Variants in INPP5A observed in about 807,000 individuals in gnomAD.
The protein encoded by INPP5A is 43 kDa inositol polyphosphate 5-phophatase.
A neutral mutation model predicts 65.2 loss-of-function variants in INPP5A; 14 were observed. The ratio of observed to expected loss-of-function variants is 0.21; its 90% CI spans 0.14 to 0.34. INPP5A has a LOEUF of 0.34. Ranked by LOEUF, INPP5A falls within the 10% of genes least tolerant of loss-of-function variation. The pLI, the probability that INPP5A is intolerant of heterozygous loss-of-function variation, is 1.00. For synonymous variants in INPP5A, 207 were observed against 208.3 expected (o/e 0.99, Z 0.05); for missense variants, 431 against 545.6 (o/e 0.79, Z 2.09).
chr10:132,672,450 C>G (rs890287022), intron 4 of INPP5A, among the ~76,000 whole-genome samples: 1 of 152,120 alleles, frequency 6.6e-6, no homozygotes, highest in African/African-American at 2.4e-5. Flanking sequence ...CCATGGTGTT[C>G]TCATGGTGGT....
At chr10:132,565,330 C>T (rs1340447441) in intron 1 of INPP5A, among the ~76,000 whole-genome samples, 1 of 152,196 alleles carries the variant, frequency 6.6e-6, no homozygotes, top group Non-Finnish European at 1.5e-5. Context: ...TTCTCTGAAG[C>T]ACTTTCATCC....
intron 7 of INPP5A, among the ~76,000 whole-genome samples, chr10:132,709,576 C>T (rs974345077): frequency 5.9e-5 from 9 of 152,062 alleles, no homozygotes; most frequent in South Asian, 4.1e-4. Flanking sequence ...CACCAGGCAG[C>T]GTCATCGGGG....
At chr10:132,688,925 TG>T (rs1845203776) in intron 4 of INPP5A, among the ~76,000 whole-genome samples, 1 of 151,772 alleles carries the variant, frequency 6.6e-6, no homozygotes, top group Admixed American at 6.6e-5. Flanking sequence ...CATGAGTGCA[TG>T]TGTGCATGTT....
chr10:132,764,084 C>T (rs1214765080), intron 11 of INPP5A, among the ~76,000 whole-genome samples: 2 of 152,266 alleles, frequency 1.3e-5, no homozygotes, highest in African/African-American at 4.8e-5. Context: ...GAGCTGTACC[C>T]TCTTAGGAGG....
In INPP5A at chr10:132,723,467, A is replaced by ATGTGGGGATTGGCCG. The variant is rs1313001561; in HGVS notation, c.648-3324_648-3310dup. Among the ~76,000 whole-genome samples, 154 of 120,778 alleles carry ATGTGGGGATTGGCCG rather than the reference A, an allele frequency of 1.3e-3. 8 individuals carry two copies. The East Asian group carries it at 0.02, about 16-fold the overall frequency. The allele number at this position is 120,778 out of a possible 152,430, so 79.2% of individuals were successfully genotyped here. ...GGGATTGGCCGTGTGGGGATTGGCC[A>ATGTGGGGATTGGCCG]TGTGGGGATTGGCCGTGTGGGGATT... On this transcript the variant is annotated intron_variant, in intron 8 of 15. Coordinates refer to ENST00000368594, the MANE Select transcript of INPP5A (RefSeq NM_005539.5).
intron 1 of INPP5A, among the ~76,000 whole-genome samples, chr10:132,583,220 A>T (rs1365224611): frequency 3.9e-5 from 6 of 152,182 alleles, no homozygotes; most frequent in Non-Finnish European, 8.8e-5. Flanking sequence ...GTGATTTTCC[A>T]GTTGTTTACT....
chr10:132,624,439 C>T (rs575910754), intron 2 of INPP5A, among the ~76,000 whole-genome samples: 17 of 151,038 alleles, frequency 1.1e-4, no homozygotes, highest in Admixed American at 2.6e-4. Flanking sequence ...CACCTCACAC[C>T]GGCACGTGCA....
At chr10:132,626,733 G>A (rs190154640) in intron 2 of INPP5A, among the ~76,000 whole-genome samples, 4 of 152,320 alleles carry the variant, frequency 2.6e-5, no homozygotes, top group Admixed American at 2.0e-4. Flanking sequence ...GAATGCACAC[G>A]TTAGCAGTCT....
intron 5 of INPP5A, among the ~76,000 whole-genome samples, chr10:132,692,642 A>G (rs1157839875): frequency 6.6e-6 from 1 of 152,248 alleles, no homozygotes; most frequent in East Asian, 1.9e-4. Flanking sequence ...AAGAAGGAAG[A>G]GAGTAGTGTG....
rs184690308 is a variant in INPP5A at position 132,722,732 on chromosome 10, C to T, written c.648-4089C>T. Among the ~76,000 whole-genome samples, 34 of 152,264 alleles carry T rather than the reference C, an allele frequency of 2.2e-4. 1 individual carries two copies. The East Asian group carries it at 6.4e-3, about 29-fold the overall frequency. On this transcript the variant is annotated intron_variant, in intron 8 of 15. Coordinates refer to ENST00000368594, the MANE Select transcript of INPP5A (RefSeq NM_005539.5). The stretch of plus-strand genomic sequence containing the variant: ...GCCCCTCCTCCCAGTGCCTCCGCCG[C>T]GTAATGAGACCACTTGTCAAAACAG...
intron 1 of INPP5A, among the ~76,000 whole-genome samples, chr10:132,597,239 AGTGACAGAACCTTTTCT>A (rs1564929295): frequency 6.6e-6 from 1 of 152,234 alleles, no homozygotes; most frequent in East Asian, 1.9e-4. Context: ...TGAAGCCCTA[AGTGACAGAACCTTTTCT>A]GTTCTTCTCA....
At chr10:132,724,946 G>A (rs1473974427) in intron 8 of INPP5A, among the ~76,000 whole-genome samples, 264 of 135,340 alleles carry the variant, frequency 2.0e-3, no homozygotes, top group African/African-American at 7.2e-3. Flanking sequence ...CAGAACTCAC[G>A]GGGAGACCCC....
chr10:132,767,677 A>G (rs1463824012), intron 12 of INPP5A, among the ~76,000 whole-genome samples: 1 of 152,040 alleles, frequency 6.6e-6, no homozygotes, highest in East Asian at 1.9e-4. Flanking sequence ...GCCCCCAGAG[A>G]GCCCCTCGCG....
chr10:132,643,599 A>G (rs1053707770), intron 2 of INPP5A, among the ~76,000 whole-genome samples: 2 of 152,226 alleles, frequency 1.3e-5, no homozygotes, highest in African/African-American at 4.8e-5. Flanking sequence ...TCTGAGACCT[A>G]GCAGGAATGG....
intron 1 of INPP5A, among the ~76,000 whole-genome samples, chr10:132,566,093 A>G (rs1201773875): frequency 1.3e-5 from 2 of 152,146 alleles, no homozygotes; most frequent in Non-Finnish European, 1.5e-5. Context: ...TGGTTCTCCA[A>G]GGAAACCTGT....
At position 132,575,707 on chromosome 10, in the gene INPP5A, T is replaced by C. The variant is rs758944596; in HGVS notation, c.76-32208T>C. On this transcript the variant is annotated intron_variant, in intron 1 of 15. Coordinates refer to ENST00000368594, the MANE Select transcript of INPP5A (RefSeq NM_005539.5). The surrounding 1 kb of genome is among the most constrained non-coding windows in gnomAD (Gnocchi z 5.4). ...AAGGAACTCCTGACGCCTCAGCGCCTGGCCCTCAGGACAGCCTTTCCCCGG... is the reference window on the plus strand; with the variant it reads ...AAGGAACTCCTGACGCCTCAGCGCCCGGCCCTCAGGACAGCCTTTCCCCGG... Among the ~76,000 whole-genome samples, 1 of 152,218 alleles carries C rather than the reference T, an allele frequency of 6.6e-6. No individual in the cohort carries two copies. Among genetic ancestry groups the C allele is most frequent in the African/African-American group, 2.4e-5 (1 of 41,456 alleles).
chr10:132,629,414 G>C (rs2072235152), intron 2 of INPP5A, among the ~76,000 whole-genome samples: 1 of 152,222 alleles, frequency 6.6e-6, no homozygotes, highest in African/African-American at 2.4e-5. Flanking sequence ...TGAACTTTCA[G>C]TGACTCAGGA....
chr10:132,758,864 C>T (rs898978435), intron 11 of INPP5A, among the ~76,000 whole-genome samples: 3 of 152,204 alleles, frequency 2.0e-5, no homozygotes, highest in African/African-American at 4.8e-5. Context: ...CCACGGTGTC[C>T]GGCGGCCCTG....
intron 1 of INPP5A, among the ~76,000 whole-genome samples, chr10:132,592,180 A>G (rs2071627854): frequency 6.6e-6 from 1 of 152,360 alleles, no homozygotes; most frequent in African/African-American, 2.4e-5. Flanking sequence ...AAAGACAGCA[A>G]ATTAAGGAAA....
Sources: allele counts gnomAD v4.1 joint callset (sites outside exome capture counted in the v4.1 genomes callset), GRCh38; gene constraint gnomAD v4.1.1; non-coding constraint Gnocchi (gnomAD v3.1); transcripts MANE v1.5; gene names NCBI Gene and HGNC (gene_info 2026-07-23, HGNC 2026-07-21).